The following HOOK3 variants were observed in gnomAD, a reference collection of about 807,000 sequenced individuals.
HOOK3 encodes protein Hook homolog 3.
HOOK3 carries 24 observed loss-of-function variants against 116.3 expected under a neutral mutation model. That is an observed-to-expected ratio of 0.21 (90% CI 0.15 to 0.29). The LOEUF (loss-of-function observed/expected upper bound fraction) is 0.29. Ranked by LOEUF, HOOK3 falls within the 10% of genes least tolerant of loss-of-function variation. HOOK3 has a pLI of 1.00. For missense variants in HOOK3, 632 were observed against 830.2 expected, an observed-to-expected ratio of 0.76 and a Z score of 2.93; for synonymous variants, 275 against 283.0, an observed-to-expected ratio of 0.97 and a Z score of 0.28.
At chr8:42,985,102 A>G (rs1809026053) in intron 14 of HOOK3, among the ~76,000 whole-genome samples, 1 of 152,096 alleles carries the variant, frequency 6.6e-6, no homozygotes, top group Non-Finnish European at 1.5e-5. Context: ...GACAAATTGG[A>G]GATCTCATAA....
chr8:42,900,634 T>C (rs1807167129), intron 1 of HOOK3, among the ~76,000 whole-genome samples: 1 of 152,236 alleles, frequency 6.6e-6, no homozygotes, highest in South Asian at 2.1e-4. Flanking sequence ...AAGTCACTGA[T>C]GTACAAAAGT....
chr8:43,003,504 A>G (rs1809415969), intron 17 of HOOK3, among the ~76,000 whole-genome samples: 1 of 152,222 alleles, frequency 6.6e-6, no homozygotes, highest in African/African-American at 2.4e-5. Flanking sequence ...AGAACTACCA[A>G]CTGACCATTA....
chr8:42,958,570 A>G (rs1012567323), intron 7 of HOOK3, among the ~76,000 whole-genome samples: 13 of 149,824 alleles, frequency 8.7e-5, no homozygotes, highest in African/African-American at 2.7e-4. Context: ...GTCGTATTCT[A>G]ACTATTTTCA....
intron 4 of HOOK3, among the ~76,000 whole-genome samples, chr8:42,937,208 G>T (rs1009308555): frequency 1.3e-5 from 2 of 152,000 alleles, no homozygotes. Context: ...ATGGTAGTTT[G>T]TATTTCTGTG....
rs1348820956 is a variant in HOOK3 at position 43,029,442 on chromosome 8, C to T, written c.*10944C>T. On this transcript the variant is annotated 3_prime_UTR_variant, in exon 22 of 22. Coordinates refer to ENST00000307602, the MANE Select transcript of HOOK3 (RefSeq NM_032410.4). ...GGATTACAGGCATGAGCCACTGCGC[C>T]CGGCCCAAATCTTTTATTTTTTAAC... The T allele has an allele frequency of 5.7e-6, 1 of 176,332 alleles. No individual in the cohort carries two copies. Among genetic ancestry groups the T allele is most frequent in the Non-Finnish European group, 1.2e-5 (1 of 81,838 alleles). The allele number at this position is 176,332 out of a possible 1,614,324, so 10.9% of individuals were successfully genotyped here. A position where few individuals can be genotyped will look rare whatever the true frequency, so the allele number is the denominator to read the frequency against.
chr8:43,022,021 C>T lies in HOOK3; in HGVS notation c.*3523C>T. 5.7e-6 allele frequency: 1 copy of T among 176,298 alleles called. No homozygotes were observed. The highest frequency in any genetic ancestry group is 1.2e-5 in the Non-Finnish European group (1 of 84,878). 10.9% of individuals were successfully genotyped at this position (176,298 alleles called of 1,614,324 possible). A position where few individuals can be genotyped will look rare whatever the true frequency, so the allele number is the denominator to read the frequency against. On this transcript the variant is annotated 3_prime_UTR_variant, in exon 22 of 22. Transcript: ENST00000307602. The stretch of plus-strand genomic sequence containing the variant: ...CCTATAAAATTCAGTGTATTAGTTT[C>T]ATTACATAGGAGAAATTATATTTCT...
At chr8:42,954,055 C>T (rs940328049) in intron 6 of HOOK3, among the ~76,000 whole-genome samples, 1 of 151,984 alleles carries the variant, frequency 6.6e-6, no homozygotes, top group Admixed American at 6.6e-5. Context: ...AGTATACTGG[C>T]ATATTACATA....
intron 4 of HOOK3, among the ~76,000 whole-genome samples, chr8:42,935,162 A>T (rs1035802759): frequency 2.0e-5 from 3 of 151,774 alleles, no homozygotes; most frequent in African/African-American, 7.3e-5. Context: ...GCTTTTTTTC[A>T]TATGTTTATT....
chr8:42,919,696 C>T (rs1233249146), intron 2 of HOOK3, among the ~76,000 whole-genome samples: 1 of 152,220 alleles, frequency 6.6e-6, no homozygotes, highest in African/African-American at 2.4e-5. Context: ...ATCCCGGCAC[C>T]TCGGGAGGCT....
At chr8:43,007,531 CA>C (rs1809516559) in intron 17 of HOOK3, among the ~76,000 whole-genome samples, 1 of 152,052 alleles carries the variant, frequency 6.6e-6, no homozygotes, top group Non-Finnish European at 1.5e-5. Context: ...TTTAGAACTT[CA>C]TTTTTTTGCA....
At position 42,941,012 on chromosome 8, in the gene HOOK3, C is replaced by T. The variant is rs1044463738; in HGVS notation, c.268-2301C>T. On this transcript the variant is annotated intron_variant, in intron 4 of 21. Coordinates refer to ENST00000307602, the MANE Select transcript of HOOK3 (RefSeq NM_032410.4). ...GCCGGAGTGAGTGCAGTGGCACGAC[C>T]TCGGCTCACTGGCAACCTCCACCTC... Among the ~76,000 whole-genome samples, 5 of 151,972 alleles carry T rather than the reference C, an allele frequency of 3.3e-5. No homozygotes were observed. In the East Asian group the frequency reaches 7.8e-4, roughly 24 times the overall value.
At chr8:42,980,117 C>T (rs997068934) in intron 13 of HOOK3, among the ~76,000 whole-genome samples, 10 of 152,066 alleles carry the variant, frequency 6.6e-5, no homozygotes, top group Middle Eastern at 3.4e-3. Context: ...CGCCTGCCAC[C>T]ATGCCCGGCT....
chr8:42,951,803 T>C (rs1042979363), intron 6 of HOOK3, among the ~76,000 whole-genome samples: 3 of 151,732 alleles, frequency 2.0e-5, no homozygotes, highest in Non-Finnish European at 4.4e-5. Flanking sequence ...TATCTGGGCA[T>C]GGTGGCACAT....
At chr8:42,984,853 A>G (rs1809020871) in intron 14 of HOOK3, among the ~76,000 whole-genome samples, 1 of 152,216 alleles carries the variant, frequency 6.6e-6, no homozygotes, top group Non-Finnish European at 1.5e-5. Flanking sequence ...CAGTGAGCCT[A>G]GATTGCGCCA....
intron 4 of HOOK3, among the ~76,000 whole-genome samples, chr8:42,931,684 G>A (rs995196189): frequency 6.6e-6 from 1 of 151,506 alleles, no homozygotes; most frequent in Non-Finnish European, 1.5e-5. Flanking sequence ...TGCCCGCCTC[G>A]GCCTCCCAGA....
At chr8:42,908,951 G>A (rs1265027292) in intron 2 of HOOK3, among the ~76,000 whole-genome samples, 1 of 152,106 alleles carries the variant, frequency 6.6e-6, no homozygotes, top group African/African-American at 2.4e-5. Flanking sequence ...AGAAACTTAA[G>A]CACCTGAATA....
At chr8:42,966,070 C>T (rs1407885399) in intron 9 of HOOK3, among the ~76,000 whole-genome samples, 3 of 152,158 alleles carry the variant, frequency 2.0e-5, no homozygotes, top group South Asian at 4.1e-4. Context: ...TGCCACTCTT[C>T]TCACTTTTTT....
intron 2 of HOOK3, among the ~76,000 whole-genome samples, chr8:42,919,054 C>T (rs1316096738): frequency 6.6e-6 from 1 of 150,644 alleles, no homozygotes; most frequent in South Asian, 2.1e-4. Flanking sequence ...GGCTGCCCCC[C>T]ACCTCCCGGA....
rs939783540 is a variant in HOOK3 at position 43,019,950 on chromosome 8, G to A, written c.*1452G>A. Reference sequence around the variant, plus strand: ...TTTCTCATGTACTTGCTATTTGCAAGTTCAGGTTTCATTTGGTTCTTTATG... The same window carrying A: ...TTTCTCATGTACTTGCTATTTGCAAATTCAGGTTTCATTTGGTTCTTTATG... On this transcript the variant is annotated 3_prime_UTR_variant, in exon 22 of 22. Transcript: ENST00000307602. 5.0e-6 allele frequency: 1 copy of A among 200,482 alleles called. No homozygotes were observed. Among genetic ancestry groups the A allele is most frequent in the African/African-American group, 2.3e-5 (1 of 43,586 alleles). The allele number at this position is 200,482 out of a possible 1,614,324, so 12.4% of individuals were successfully genotyped here.
Sources: gnomAD v4.1 joint callset for allele counts (sites outside exome capture counted in the v4.1 genomes callset) on GRCh38, gnomAD v4.1.1 for gene constraint, MANE v1.5 for transcripts, NCBI Gene and HGNC (gene_info 2026-07-23, HGNC 2026-07-21) for gene names.